Variants in SNTG1 observed in about 807,000 individuals in gnomAD.
The protein encoded by SNTG1 is gamma-1-syntrophin.
In SNTG1, 39 loss-of-function variants were observed where a neutral mutation model predicts 74.7. The observed-to-expected ratio is 0.52, with a 90% CI of 0.40 to 0.68. The LOEUF (loss-of-function observed/expected upper bound fraction) is 0.68. Ranked by LOEUF, SNTG1 falls within the 30% of genes least tolerant of loss-of-function variation. SNTG1 has a pLI of 0.00. For missense variants in SNTG1, 685 were observed against 609.5 expected (o/e 1.12, Z -1.30); for synonymous variants, 254 against 217.1 (o/e 1.17, Z -1.49).
At chr8:49,946,318 A>G (rs987209614) in intron 1 of SNTG1, among the ~76,000 whole-genome samples, 1 of 152,192 alleles carries the variant, frequency 6.6e-6, no homozygotes, top group African/African-American at 2.4e-5. Context: ...AAATATTGTA[A>G]ATAACTTTGT....
chr8:50,053,974 A>C (rs1355493066), intron 1 of SNTG1, among the ~76,000 whole-genome samples: 1 of 152,102 alleles, frequency 6.6e-6, no homozygotes, highest in African/African-American at 2.4e-5. Flanking sequence ...GGACTGTGTC[A>C]GGCATCTCAA....
At chr8:50,625,693 C>T (rs2094951948) in intron 13 of SNTG1, among the ~76,000 whole-genome samples, 1 of 152,116 alleles carries the variant, frequency 6.6e-6, no homozygotes, top group Non-Finnish European at 1.5e-5. Context: ...CACTTTGTTT[C>T]AGTATGACAA....
At chr8:50,489,381 C>T (rs1187265264) in intron 8 of SNTG1, among the ~76,000 whole-genome samples, 1 of 152,192 alleles carries the variant, frequency 6.6e-6, no homozygotes, top group African/African-American at 2.4e-5. Flanking sequence ...AAGTAATTTA[C>T]ACTCCCACCA....
intron 13 of SNTG1, among the ~76,000 whole-genome samples, chr8:50,591,689 G>A (rs1402174416): frequency 6.6e-6 from 1 of 152,168 alleles, no homozygotes; most frequent in African/African-American, 2.4e-5. Context: ...TGTAGAAATT[G>A]TATCATTAAT....
intron 8 of SNTG1, among the ~76,000 whole-genome samples, chr8:50,470,648 G>A (rs908026036): frequency 2.0e-5 from 3 of 152,148 alleles, no homozygotes; most frequent in African/African-American, 7.2e-5. Context: ...TAAATGTGGT[G>A]CGTCCGGAGT....
At position 50,583,285 on chromosome 8, in the gene SNTG1, C is replaced by T. The variant is rs2094623467; in HGVS notation, c.811-7594C>T. 2.0e-5 allele frequency among the ~76,000 whole-genome samples: 3 copies of T among 151,354 alleles called. No individual in the cohort carries two copies. The South Asian group carries it at 6.2e-4, about 31-fold the overall frequency. Reference sequence around the variant, plus strand: ...GGGCATGGTGGCGGCGCCTATAATCCTAGTGACTTGGGAGGCTGAGGTGGG... The same window carrying T: ...GGGCATGGTGGCGGCGCCTATAATCTTAGTGACTTGGGAGGCTGAGGTGGG... On this transcript the variant is annotated intron_variant, in intron 12 of 18. Coordinates refer to ENST00000642720, the MANE Select transcript of SNTG1 (RefSeq NM_018967.5).
chr8:50,229,025 A>G (rs1376099681), intron 2 of SNTG1, among the ~76,000 whole-genome samples: 2 of 151,678 alleles, frequency 1.3e-5, no homozygotes, highest in African/African-American at 4.8e-5. Flanking sequence ...ACTCTGTTGC[A>G]AGGTCCCTAT....
At chr8:50,640,307 T>C (rs1219715953) in intron 13 of SNTG1, among the ~76,000 whole-genome samples, 1 of 152,136 alleles carries the variant, frequency 6.6e-6, no homozygotes, top group Non-Finnish European at 1.5e-5. Flanking sequence ...TTGAAAGACT[T>C]ATAATAACAA....
At chr8:50,223,276 T>C (rs2085160020) in intron 2 of SNTG1, among the ~76,000 whole-genome samples, 1 of 152,072 alleles carries the variant, frequency 6.6e-6, no homozygotes, top group African/African-American at 2.4e-5. Context: ...CAATGAATTC[T>C]ACACTAAAAG....
At chr8:49,940,518 ACT>A (rs545121274) in intron 1 of SNTG1, among the ~76,000 whole-genome samples, 19 of 152,200 alleles carry the variant, frequency 1.2e-4, no homozygotes, top group African/African-American at 3.6e-4. Context: ...CTTTATTTTG[ACT>A]CTGTTTTTTA....
intron 1 of SNTG1, among the ~76,000 whole-genome samples, chr8:49,995,961 T>G (rs1814171545): frequency 6.6e-6 from 1 of 152,144 alleles, no homozygotes; most frequent in African/African-American, 2.4e-5. Flanking sequence ...AATCTATAAC[T>G]TCATGCTGAT....
intron 1 of SNTG1, among the ~76,000 whole-genome samples, chr8:50,015,996 T>C (rs1021103081): frequency 3.3e-5 from 5 of 152,080 alleles, no homozygotes; most frequent in Admixed American, 3.3e-4. Context: ...CCCTTTCTGT[T>C]GATGAATGTC....
At chr8:50,434,458 T>C (rs1410948576) in intron 4 of SNTG1, among the ~76,000 whole-genome samples, 1 of 141,342 alleles carries the variant, frequency 7.1e-6, no homozygotes. Context: ...CCTTGAGGAA[T>C]CGCCACACTG....
intron 2 of SNTG1, among the ~76,000 whole-genome samples, chr8:50,176,926 G>A (rs2083020775): frequency 6.6e-6 from 1 of 152,114 alleles, no homozygotes; most frequent in African/African-American, 2.4e-5. Context: ...GATTAATCTA[G>A]GCTGCTTCAG....
chr8:50,113,850 G>T (rs1039915192), intron 1 of SNTG1, among the ~76,000 whole-genome samples: 7 of 151,972 alleles, frequency 4.6e-5, no homozygotes, highest in African/African-American at 1.7e-4. Flanking sequence ...CATGGCACAT[G>T]TATATACATA....
chr8:50,325,517 G>A (rs916727015), intron 2 of SNTG1, among the ~76,000 whole-genome samples: 5 of 151,886 alleles, frequency 3.3e-5, no homozygotes, highest in Non-Finnish European at 2.9e-5. Flanking sequence ...ACTGCACTAG[G>A]TCATTCATGG....
At chr8:50,546,624 C>A (rs185334877) in intron 11 of SNTG1, among the ~76,000 whole-genome samples, 1 of 148,548 alleles carries the variant, frequency 6.7e-6, no homozygotes, top group African/African-American at 2.5e-5. Flanking sequence ...TGAGTGAGAA[C>A]ATGCGGTGTT....
intron 1 of SNTG1, among the ~76,000 whole-genome samples, chr8:49,979,955 A>G (rs1426156601): frequency 6.6e-6 from 1 of 152,224 alleles, no homozygotes. Context: ...CTGTACCCAT[A>G]TAGACACCAC....
At chr8:50,257,369 C>T (rs2086935487) in intron 2 of SNTG1, among the ~76,000 whole-genome samples, 1 of 152,118 alleles carries the variant, frequency 6.6e-6, no homozygotes, top group East Asian at 1.9e-4. Context: ...AGTAGGGGTG[C>T]CCCTCCGTGA....
Sources: allele counts gnomAD v4.1 joint callset (sites outside exome capture counted in the v4.1 genomes callset), GRCh38; gene constraint gnomAD v4.1.1; transcripts MANE v1.5; gene names NCBI Gene and HGNC (gene_info 2026-07-23, HGNC 2026-07-21).